Variants in CFAP65 observed in about 807,000 individuals in gnomAD.
The protein encoded by CFAP65 is cilia and flagella associated protein 65.
CFAP65 carries 155 observed loss-of-function variants against 208.0 expected under a neutral mutation model. The observed-to-expected ratio is 0.75, with a 90% CI of 0.65 to 0.85. The LOEUF (loss-of-function observed/expected upper bound fraction) is 0.85. CFAP65 is among the 40% of genes least tolerant of loss of function. CFAP65 has a pLI of 0.00. For synonymous variants in CFAP65, 970 were observed against 986.3 expected (o/e 0.98, Z 0.31); for missense variants, 2,294 against 2,451.3 (o/e 0.94, Z 1.36).
At position 219,027,938 on chromosome 2, in the gene CFAP65, G is replaced by A. The variant is rs981011691; in HGVS notation, c.1923C>T (p.Thr641=). The A allele has an allele frequency of 1.3e-6, 2 of 1,521,562 alleles. No homozygotes were observed. Among genetic ancestry groups the A allele is most frequent in the Non-Finnish European group, 8.8e-7 (1 of 1,135,488 alleles). 94.3% of individuals were successfully genotyped at this position (1,521,562 alleles called of 1,614,324 possible). A position where few individuals can be genotyped will look rare whatever the true frequency, so the allele number is the denominator to read the frequency against. Reference sequence around the variant, plus strand: ...GCGGGGGGAAGATGGTTATGTCGCTGGTGCCGTCGAAGAAGAACTCGGTCA... The same window carrying A: ...GCGGGGGGAAGATGGTTATGTCGCTAGTGCCGTCGAAGAAGAACTCGGTCA... ...PPMTEFFFDG[T]SDITIFPPPI... Residue 641 remains threonine, a synonymous_variant, in exon 13 of 35, where the codon ACC becomes ACT. Transcript: ENST00000341552.
In CFAP65 at chr2:219,032,480, G is replaced by A; in HGVS notation, c.635C>T (p.Pro212Leu). ...TGTGGCAGACCTTACCGCCTCCAGAGGCCGGAAGACGATGGGGAGCGTGAG... is the reference window on the plus strand; with the variant it reads ...TGTGGCAGACCTTACCGCCTCCAGAAGCCGGAAGACGATGGGGAGCGTGAG... The part of the protein sequence containing the change: ...ITLTLPIVFR[P>L]LEAKEYMDQL... Residue 212 changes from proline to leucine, a missense_variant, in exon 6 of 35, where the codon CCT (proline) becomes CTT (leucine). Pro to Leu is a moderately conservative substitution (Grantham distance 98). Transcript: ENST00000341552. This position sits in a 1 kb window ranked among gnomAD's most constrained non-coding sequence, Gnocchi z 5.5. 1 of 1,594,912 alleles carries A rather than the reference G, an allele frequency of 6.3e-7. No homozygotes were observed. The highest frequency in any genetic ancestry group is 8.5e-7 in the Non-Finnish European group (1 of 1,170,748).
At chr2:219,036,272 G>A (rs539900474) in intron 4 of CFAP65, among the ~76,000 whole-genome samples, 1 of 152,128 alleles carries the variant, frequency 6.6e-6, no homozygotes, top group South Asian at 2.1e-4. Context: ...CATGTGCGGC[G>A]TCTCCATCTA....
chr2:219,023,827 G>T (rs1344301188), intron 15 of CFAP65, among the ~76,000 whole-genome samples, 188 bp downstream of exon 15: 1 of 152,208 alleles, frequency 6.6e-6, no homozygotes, highest in Non-Finnish European at 1.5e-5. Flanking sequence ...GACAGGCAAG[G>T]CCCTGAGGGG....
chr2:219,003,332 G>C lies in CFAP65; in HGVS notation c.5556-60C>G. 6.8e-7 allele frequency: 1 copy of C among 1,469,402 alleles called. No individual in the cohort carries two copies. The highest frequency in any genetic ancestry group is 1.4e-5 in the South Asian group (1 of 71,394). The allele number at this position is 1,469,402 out of a possible 1,614,324, so 91.0% of individuals were successfully genotyped here. ...GCAGTGCCCGCGCGCCTCCTCGCTCGCCTGTCCGTGCGGTACATTGTGCCG... is the reference window on the plus strand; with the variant it reads ...GCAGTGCCCGCGCGCCTCCTCGCTCCCCTGTCCGTGCGGTACATTGTGCCG... On this transcript the variant is annotated intron_variant, in intron 33 of 34. Coordinates refer to ENST00000341552, the MANE Select transcript of CFAP65 (RefSeq NM_194302.4). This position sits in a 1 kb window ranked among gnomAD's most constrained non-coding sequence, Gnocchi z 4.4.
chr2:219,029,286 A>G (rs1212223161), intron 11 of CFAP65, 117 bp downstream of exon 11: 2 of 1,336,804 alleles, frequency 1.5e-6, no homozygotes, highest in East Asian at 2.4e-5. Context: ...GGAGACCACC[A>G]GGCAGACAGC....
In CFAP65 at chr2:219,021,631, G is replaced by A. The variant is rs571848709; in HGVS notation, c.3130+149C>T. ...TGTGATCATAGTGCACTGCAGCGTG[G>A]AACTCCTGGGCTCAAGCAATACTCC... is the stretch of plus-strand genomic sequence containing the variant. On this transcript the variant is annotated intron_variant, in intron 18 of 34. Transcript: ENST00000341552. The A allele has an allele frequency of 1.4e-5, 13 of 905,910 alleles. No homozygotes were observed. In the African/African-American group the frequency reaches 1.8e-4, roughly 13 times the overall value. 56.1% of individuals were successfully genotyped at this position (905,910 alleles called of 1,614,324 possible).
chr2:219,025,188 A>G (rs1574609764), intron 14 of CFAP65, among the ~76,000 whole-genome samples: 1 of 152,136 alleles, frequency 6.6e-6, no homozygotes, highest in East Asian at 1.9e-4. Context: ...TCTGGGCTGC[A>G]TAAAGGCCAC....
At chr2:219,013,489 TA>T in intron 23 of CFAP65, 29 bp downstream of exon 23, 2 of 1,585,324 alleles carry the variant, frequency 1.3e-6, no homozygotes. Flanking sequence ...AGCCTGAAAC[TA>T]GGGCAGGGCC....
Position 219,031,114 on chromosome 2 carries a change from T to TAGGAGGTCATG in CFAP65, c.1006_1007insCATGACCTCCT (p.Gln336ProfsTer2), listed in dbSNP as rs1947993491. The stretch of plus-strand genomic sequence containing the variant: ...GGGAGGTTGGGCCTCACCCACAGCC[T>TAGGAGGTCATG]GCAGCTGGATGCTGCTCCTCTGCCG... On this transcript the variant is annotated stop_gained and frameshift_variant, in exon 8 of 35. Coordinates refer to ENST00000341552, the MANE Select transcript of CFAP65 (RefSeq NM_194302.4). LOFTEE classifies it high-confidence loss of function. The surrounding 1 kb of genome is among the most constrained non-coding windows in gnomAD (Gnocchi z 5.2). The TAGGAGGTCATG allele has an allele frequency of 6.3e-7, 1 of 1,588,256 alleles. No individual in the cohort carries two copies. Among genetic ancestry groups the TAGGAGGTCATG allele is most frequent in the Non-Finnish European group, 8.6e-7 (1 of 1,167,136 alleles).
chr2:219,003,934 T>C lies in CFAP65; in HGVS notation c.5555+18A>G. ...CACTTCGCCTCCCTCCCGTCCTCACTGGGGCCTGGCTGCTCACCTTCTGAT... is the reference window on the plus strand; with the variant it reads ...CACTTCGCCTCCCTCCCGTCCTCACCGGGGCCTGGCTGCTCACCTTCTGAT... On this transcript the variant is annotated intron_variant, in intron 33 of 34. Coordinates refer to ENST00000341552, the MANE Select transcript of CFAP65 (RefSeq NM_194302.4). The surrounding 1 kb of genome is among the most constrained non-coding windows in gnomAD (Gnocchi z 4.4). The C allele has an allele frequency of 6.2e-7, 1 of 1,601,770 alleles. No individual in the cohort carries two copies. The highest frequency in any genetic ancestry group is 8.5e-7 in the Non-Finnish European group (1 of 1,172,580).
chr2:219,005,403 G>A (rs1372092579), intron 32 of CFAP65, 31 bp downstream of exon 32: 4 of 1,613,048 alleles, frequency 2.5e-6, no homozygotes, highest in South Asian at 2.2e-5. Context: ...ATGCGAAGGT[G>A]GCAATGAGGG....
At position 219,026,906 on chromosome 2, in the gene CFAP65, T is replaced by C. The variant is rs551991039; in HGVS notation, c.2211+744A>G. 64 of 986,492 alleles carry C rather than the reference T, an allele frequency of 6.5e-5. No homozygotes were observed. In the Middle Eastern group the frequency reaches 2.1e-3, roughly 32 times the overall value. 61.1% of individuals were successfully genotyped at this position (986,492 alleles called of 1,614,324 possible). ...GACGGGGGCAACCAAAGCCTCCACT[T>C]TGGAAAGCCTCCTCAAAAGATCGGA... On this transcript the variant is annotated intron_variant, in intron 13 of 34. Coordinates refer to ENST00000341552, the MANE Select transcript of CFAP65 (RefSeq NM_194302.4).
Position 219,006,479 on chromosome 2 carries a change from C to G in CFAP65, c.4705G>C (p.Ala1569Pro), listed in dbSNP as rs1309227310. ...KRTCCTACEP[A>P]RKYKTLPPIK... Reference sequence around the variant, plus strand: ...CGCCGCCTCACCTTGTACTTCCTCGCAGGTTCACAGGCTGTGCAGCATGTT... The same window carrying G: ...CGCCGCCTCACCTTGTACTTCCTCGGAGGTTCACAGGCTGTGCAGCATGTT... Residue 1569 changes from alanine (A) to proline (P), a missense_variant, in exon 30 of 35, where the codon GCG (alanine) becomes CCG (proline). Physicochemically the swap from Ala to Pro is conservative, Grantham distance 27. This residue lies in a region of CFAP65 where 1,427 missense variants were observed against 1,438.7 expected (regional missense o/e 0.99). Transcript: ENST00000341552. 5 of 1,613,592 alleles carry G rather than the reference C, an allele frequency of 3.1e-6. No individual in the cohort carries two copies.
In CFAP65 at chr2:219,004,463, G is replaced by T. The variant is rs1316024437; in HGVS notation, c.5052-8C>A. Reference sequence around the variant, plus strand: ...TTGTCTTCCAGCAGGCCCCTAGGTGGCAGGGAGAAGGAGAAGGCCCTTGCT... The same window carrying T: ...TTGTCTTCCAGCAGGCCCCTAGGTGTCAGGGAGAAGGAGAAGGCCCTTGCT... On this transcript the variant is annotated splice_polypyrimidine_tract_variant and splice_region_variant and intron_variant, in intron 32 of 34. Coordinates refer to ENST00000341552, the MANE Select transcript of CFAP65 (RefSeq NM_194302.4). The surrounding 1 kb of genome is among the most constrained non-coding windows in gnomAD (Gnocchi z 4.7). 3 of 1,596,258 alleles carry T rather than the reference G, an allele frequency of 1.9e-6. No homozygotes were observed. Among genetic ancestry groups the T allele is most frequent in the Non-Finnish European group, 2.6e-6 (3 of 1,171,368 alleles).
At chr2:219,016,847 G>A (rs1946920934) in intron 21 of CFAP65, among the ~76,000 whole-genome samples, 1 of 152,208 alleles carries the variant, frequency 6.6e-6, no homozygotes, top group Admixed American at 6.5e-5. Flanking sequence ...TCTGAAGAAG[G>A]ATTCAAAGGC....
chr2:219,041,442 C>T, intron 1 of CFAP65, 46 bp downstream of exon 1: 3 of 1,548,652 alleles, frequency 1.9e-6, no homozygotes, highest in Non-Finnish European at 2.6e-6. Flanking sequence ...CCACTCGCGC[C>T]GCTCCCTGAG....
intron 27 of CFAP65, 93 bp downstream of exon 27, chr2:219,009,849 A>T (rs1946344985): frequency 3.8e-6 from 3 of 796,380 alleles, no homozygotes; most frequent in Non-Finnish European, 4.8e-6. Context: ...GTGGGGTGGG[A>T]TGGGATGGAG....
intron 20 of CFAP65, 34 bp downstream of exon 20, chr2:219,019,472 C>T (rs1418058086): frequency 1.9e-6 from 3 of 1,574,086 alleles, no homozygotes; most frequent in Non-Finnish European, 2.6e-6. Flanking sequence ...AGGCCCTGCC[C>T]CCAGCCCCCA....
rs2106232056 is a variant in CFAP65, at chr2:219,031,028, G to A, written c.1015+78C>T. On this transcript the variant is annotated intron_variant, in intron 8 of 34. Coordinates refer to ENST00000341552, the MANE Select transcript of CFAP65 (RefSeq NM_194302.4). The surrounding 1 kb of genome is among the most constrained non-coding windows in gnomAD (Gnocchi z 5.2). ...AGGCGGGGGCCAGGCCAGATGGGAGGTGGGGGACACTGAGGCCTGGAGGAC... is the reference window on the plus strand; with the variant it reads ...AGGCGGGGGCCAGGCCAGATGGGAGATGGGGGACACTGAGGCCTGGAGGAC... 4.7e-6 allele frequency: 7 copies of A among 1,486,918 alleles called. No individual in the cohort carries two copies. Among genetic ancestry groups the A allele is most frequent in the Non-Finnish European group, 4.5e-6 (5 of 1,100,012 alleles). The allele number at this position is 1,486,918 out of a possible 1,614,324, so 92.1% of individuals were successfully genotyped here. A position where few individuals can be genotyped will look rare whatever the true frequency, so the allele number is the denominator to read the frequency against.
Sources: allele counts gnomAD v4.1 joint callset (sites outside exome capture counted in the v4.1 genomes callset), GRCh38; gene constraint gnomAD v4.1.1; regional missense constraint gnomAD v4.1.1; non-coding constraint Gnocchi (gnomAD v3.1); transcripts MANE v1.5; gene names NCBI Gene and HGNC (gene_info 2026-07-23, HGNC 2026-07-21).